PTK2: variants seen among roughly 807,000 people sequenced by gnomAD.
The protein encoded by PTK2 is protein tyrosine kinase 2, also known as focal adhesion kinase 1.
A neutral mutation model predicts 150.1 loss-of-function variants in PTK2; 45 were observed. That is an observed-to-expected ratio of 0.30 (90% CI 0.24 to 0.38). The LOEUF is 0.38. Among genes scored for constraint, PTK2 ranks in the 10% least tolerant of loss-of-function variants. The pLI is 1.00. For synonymous variants in PTK2, 432 were observed against 449.2 expected (o/e 0.96, Z 0.48); for missense variants, 919 against 1,307.3 (o/e 0.70, Z 4.58).
intron 2 of PTK2, among the ~76,000 whole-genome samples, chr8:140,898,064 T>C (rs1295628929): frequency 6.6e-6 from 1 of 152,148 alleles, no homozygotes. Context: ...TTTCAAATCA[T>C]CTGTGATGAA....
rs1015688842 is a variant in PTK2 at position 140,793,440 on chromosome 8, T to C, written c.1094-56A>G. The C allele has an allele frequency of 7.0e-6, 11 of 1,579,238 alleles. No individual in the cohort carries two copies. The African/African-American group carries it at 1.4e-4, about 20-fold the overall frequency. The stretch of plus-strand genomic sequence containing the variant: ...GCTCTTTTCACTCCTTTTGAAAAGA[T>C]GGTGCCTAGAATCAGGGAGGAAGGA... On this transcript the variant is annotated intron_variant, in intron 12 of 31. Coordinates refer to ENST00000522684, the Ensembl canonical transcript of PTK2.
chr8:140,701,677 C>T (rs767126661), intron 25 of PTK2, among the ~76,000 whole-genome samples: 1 of 152,146 alleles, frequency 6.6e-6, no homozygotes, highest in Non-Finnish European at 1.5e-5. Context: ...CTTCGTTGGC[C>T]TCATGTACAT....
chr8:140,898,361 TCAGCCAGGCTGCCC>T (rs2100157153), intron 2 of PTK2, among the ~76,000 whole-genome samples: 1 of 152,222 alleles, frequency 6.6e-6, no homozygotes. Context: ...GAGTCCTGGC[TCAGCCAGGCTGCCC>T]AGTTTAAATC....
intron 5 of PTK2, among the ~76,000 whole-genome samples, chr8:140,857,545 T>C (rs1179634431): frequency 1.3e-5 from 2 of 152,152 alleles, no homozygotes; most frequent in Non-Finnish European, 2.9e-5. Context: ...ACAATTATTC[T>C]TACATTACTG....
intron 3 of PTK2, among the ~76,000 whole-genome samples, chr8:140,889,420 G>A (rs1179031723): frequency 6.6e-6 from 1 of 151,826 alleles, no homozygotes; most frequent in Non-Finnish European, 1.5e-5. Context: ...GTAGAGATGG[G>A]GTTTCGCCAT....
chr8:140,745,084 A>G (rs1425963916), intron 18 of PTK2, among the ~76,000 whole-genome samples: 1 of 96,684 alleles, frequency 1.0e-5, no homozygotes, highest in African/African-American at 6.5e-5. Flanking sequence ...CTAAATAATA[A>G]TAACAACTGG....
At chr8:140,664,339 A>C (rs1004895087) in intron 31 of PTK2, among the ~76,000 whole-genome samples, 1 of 152,144 alleles carries the variant, frequency 6.6e-6, no homozygotes, top group African/African-American at 2.4e-5. Context: ...ATAGGGTCTC[A>C]CTATGTTGTC....
At chr8:140,957,169 C>T (rs759195777) in intron 1 of PTK2, among the ~76,000 whole-genome samples, 6 of 152,084 alleles carry the variant, frequency 3.9e-5, no homozygotes, top group East Asian at 1.9e-4. Flanking sequence ...TGCAGTGCCT[C>T]GCTTCTATCA....
Position 140,800,601 on chromosome 8 carries a change from C to T in PTK2, c.976-25G>A, listed in dbSNP as rs1376765385. 6 of 1,567,540 alleles carry T rather than the reference C, an allele frequency of 3.8e-6. No individual in the cohort carries two copies. The Admixed American group carries it at 6.7e-5, about 17-fold the overall frequency. On this transcript the variant is annotated intron_variant, in intron 11 of 31. Coordinates refer to ENST00000522684, the Ensembl canonical transcript of PTK2. The stretch of plus-strand genomic sequence containing the variant: ...GCTAACGGAGAAAAGATCAAGAAAA[C>T]AGACTTCATTGTTCTTCCCAGTAAG...
At chr8:140,724,629 A>C (rs2154328288) in intron 22 of PTK2, among the ~76,000 whole-genome samples, 1 of 152,364 alleles carries the variant, frequency 6.6e-6, no homozygotes, top group Middle Eastern at 3.4e-3. Context: ...AAACACCCAG[A>C]GAGAGAACAG....
chr8:140,842,582 T>C (rs894307839), intron 7 of PTK2, among the ~76,000 whole-genome samples: 1 of 152,024 alleles, frequency 6.6e-6, no homozygotes, highest in East Asian at 1.9e-4. Context: ...CTAATAAAAT[T>C]TGGCAAATAG....
intron 21 of PTK2, among the ~76,000 whole-genome samples, chr8:140,737,711 A>G (rs1355263653): frequency 6.6e-6 from 1 of 152,228 alleles, no homozygotes; most frequent in Non-Finnish European, 1.5e-5. Context: ...GCTTCCAATT[A>G]TTACCAACTG....
At chr8:140,759,530 T>TAAAAAAAAAAAAAAAAAAAAAA (rs761643170) in intron 16 of PTK2, among the ~76,000 whole-genome samples, 1 of 58,074 alleles carries the variant, frequency 1.7e-5, no homozygotes, top group Non-Finnish European at 2.9e-5. Context: ...GACCCTGTCC[T>TAAAAAAAAAAAAAAAAAAAAAA]AAAAAAAAAA....
intron 4 of PTK2, among the ~76,000 whole-genome samples, chr8:140,864,729 T>C (rs1466308996): frequency 6.6e-6 from 1 of 152,184 alleles, no homozygotes; most frequent in Non-Finnish European, 1.5e-5. Flanking sequence ...TTCCCACGTC[T>C]AAATTTTTAT....
chr8:140,786,281 G>A (rs2100084908), intron 14 of PTK2, among the ~76,000 whole-genome samples: 1 of 152,168 alleles, frequency 6.6e-6, no homozygotes, highest in Admixed American at 6.5e-5. Context: ...CACTGAACAC[G>A]CTTACTGTGG....
chr8:140,887,497 G>A (rs1403461937), intron 3 of PTK2, among the ~76,000 whole-genome samples: 1 of 152,148 alleles, frequency 6.6e-6, no homozygotes, highest in African/African-American at 2.4e-5. Flanking sequence ...ATTAACTGAA[G>A]CATGATAAAG....
chr8:140,702,110 A>G (rs1295265843), intron 25 of PTK2, among the ~76,000 whole-genome samples: 7 of 131,756 alleles, frequency 5.3e-5, no homozygotes, highest in Non-Finnish European at 1.6e-5. Context: ...CCTGGGAGAC[A>G]GAGTAAGACT....
chr8:140,892,609 T>C, intron 2 of PTK2: 1 of 460,316 alleles, frequency 2.2e-6, no homozygotes, highest in Non-Finnish European at 4.3e-6. Context: ...ATAATACCTT[T>C]TTCATCCAAA....
intron 2 of PTK2, among the ~76,000 whole-genome samples, chr8:140,924,932 A>T (rs957929398): frequency 1.3e-5 from 2 of 152,218 alleles, no homozygotes; most frequent in Non-Finnish European, 2.9e-5. Context: ...ATCAGTAAGC[A>T]TAAGAGAGAA....
Sources: gnomAD v4.1 joint callset for allele counts (sites outside exome capture counted in the v4.1 genomes callset) on GRCh38, gnomAD v4.1.1 for gene constraint, MANE v1.5 for transcripts, NCBI Gene and HGNC (gene_info 2026-07-23, HGNC 2026-07-21) for gene names.